BRINP3: variants seen among roughly 807,000 people sequenced by gnomAD.
BRINP3 encodes BMP/retinoic acid-inducible neural-specific protein 3.
BRINP3 carries 19 observed loss-of-function variants against 71.0 expected under a neutral mutation model. That is an observed-to-expected ratio of 0.27 (90% CI 0.19 to 0.39). BRINP3 has a LOEUF of 0.39. Among genes scored for constraint, BRINP3 ranks in the 10% least tolerant of loss-of-function variants. The pLI is 1.00. For missense variants in BRINP3, 959 were observed against 940.8 expected (o/e 1.02, Z -0.25); for synonymous variants, 380 against 337.7 (o/e 1.13, Z -1.37).
chr1:190,257,602 A>C (rs1027016072), intron 4 of BRINP3, among the ~76,000 whole-genome samples: 2 of 152,132 alleles, frequency 1.3e-5, no homozygotes, highest in African/African-American at 4.8e-5. Context: ...GTTTCTCCCC[A>C]TCTTTCTAGT....
intron 6 of BRINP3, among the ~76,000 whole-genome samples, chr1:190,196,362 T>C (rs913589997): frequency 5.3e-5 from 8 of 152,274 alleles, no homozygotes; most frequent in African/African-American, 1.9e-4. Context: ...CACCAGATAA[T>C]GGTTCTGCTA....
chr1:190,165,568 T>C (rs1462107400), intron 6 of BRINP3, among the ~76,000 whole-genome samples: 1 of 149,612 alleles, frequency 6.7e-6, no homozygotes, highest in Non-Finnish European at 1.5e-5. Flanking sequence ...CAAATAAATA[T>C]GAAACTATGT....
chr1:190,199,715 T>C (rs1207832715), intron 6 of BRINP3, among the ~76,000 whole-genome samples: 1 of 142,992 alleles, frequency 7.0e-6, no homozygotes, highest in African/African-American at 2.6e-5. Context: ...AAAGTTACAA[T>C]AATTAAAGTG....
intron 2 of BRINP3, among the ~76,000 whole-genome samples, chr1:190,373,139 T>C (rs552536203): frequency 2.7e-4 from 41 of 151,958 alleles, no homozygotes; most frequent in Non-Finnish European, 4.1e-4. Flanking sequence ...AAAATTAAAA[T>C]AGATATTTGG....
chr1:190,400,145 T>C (rs1671829587), intron 2 of BRINP3, among the ~76,000 whole-genome samples: 2 of 152,044 alleles, frequency 1.3e-5, no homozygotes, highest in Admixed American at 6.6e-5. Context: ...TGATATGACA[T>C]AGAAATGAAA....
At chr1:190,375,019 A>G (rs1330087142) in intron 2 of BRINP3, among the ~76,000 whole-genome samples, 3 of 152,022 alleles carry the variant, frequency 2.0e-5, no homozygotes, top group Non-Finnish European at 2.9e-5. Context: ...GAGTAAACTA[A>G]TTTTTCAGAA....
chr1:190,265,133 C>T, intron 3 of BRINP3, 78 bp from the exon 4 acceptor site: 1 of 1,290,360 alleles, frequency 7.7e-7, no homozygotes. Context: ...GTGGAAAGGT[C>T]TAGCTTATGA....
intron 4 of BRINP3, among the ~76,000 whole-genome samples, chr1:190,258,093 G>A (rs1208374248): frequency 3.3e-5 from 5 of 152,236 alleles, no homozygotes; most frequent in African/African-American, 1.2e-4. Flanking sequence ...CCCCAGAGGT[G>A]GAGTCTACAG....
intron 6 of BRINP3, among the ~76,000 whole-genome samples, chr1:190,201,594 C>T (rs1056222735): frequency 2.6e-5 from 4 of 152,166 alleles, no homozygotes; most frequent in Non-Finnish European, 4.4e-5. Context: ...CTATTGCAGT[C>T]CCAGAAACCT....
chr1:190,300,753 C>T (rs914988922), intron 2 of BRINP3, among the ~76,000 whole-genome samples: 6 of 152,124 alleles, frequency 3.9e-5, no homozygotes, highest in Admixed American at 6.5e-5. Flanking sequence ...GCAGAAAGGA[C>T]ATCCACACCA....
chr1:190,105,632 CT>C (rs1407875828), intron 7 of BRINP3, among the ~76,000 whole-genome samples: 13 of 152,110 alleles, frequency 8.5e-5, no homozygotes, highest in African/African-American at 2.9e-4. Flanking sequence ...AGGTTTACCC[CT>C]GGTCTCTATT....
intron 6 of BRINP3, among the ~76,000 whole-genome samples, chr1:190,212,035 C>A (rs1426533231): frequency 6.6e-6 from 1 of 152,086 alleles, no homozygotes; most frequent in African/African-American, 2.4e-5. Context: ...AGCATATCAT[C>A]ACAATAAATT....
intron 4 of BRINP3, among the ~76,000 whole-genome samples, chr1:190,255,499 G>C (rs910641077): frequency 1.3e-5 from 2 of 152,008 alleles, no homozygotes; most frequent in African/African-American, 4.8e-5. Flanking sequence ...ACTTCTCCTG[G>C]TTTAGTCTTG....
At chr1:190,099,863 A>T (rs947969627) in intron 7 of BRINP3, among the ~76,000 whole-genome samples, 4 of 151,902 alleles carry the variant, frequency 2.6e-5, no homozygotes, top group African/African-American at 7.3e-5. Flanking sequence ...AGTCATTAAC[A>T]TTTTTTTTCT....
At chr1:190,464,760 A>G (rs1676627414) in intron 1 of BRINP3, among the ~76,000 whole-genome samples, 2 of 151,846 alleles carry the variant, frequency 1.3e-5, no homozygotes, top group South Asian at 4.1e-4. Context: ...GTCTTCAATC[A>G]TATTATACAA....
At chr1:190,151,526 A>T (rs1339018382) in intron 7 of BRINP3, among the ~76,000 whole-genome samples, 2 of 152,214 alleles carry the variant, frequency 1.3e-5, no homozygotes, top group South Asian at 2.1e-4. Flanking sequence ...GAAGAGTCTC[A>T]CTTAAAGTAA....
intron 2 of BRINP3, among the ~76,000 whole-genome samples, chr1:190,370,692 C>G (rs1430935421): frequency 6.6e-6 from 1 of 152,214 alleles, no homozygotes; most frequent in African/African-American, 2.4e-5. Flanking sequence ...ATGGCGAAGC[C>G]TGTGCCTCCT....
chr1:190,177,150 C>CTTT lies in BRINP3; in HGVS notation c.962-16263_962-16261dup, dbSNP rs1030190199. On this transcript the variant is annotated intron_variant, in intron 6 of 7. Coordinates refer to ENST00000367462, the MANE Select transcript of BRINP3 (RefSeq NM_199051.3). Reference sequence around the variant, plus strand: ...TGGTTTGTCATGGAAGCACCCACTTCTTTTTTTTTTTTTTTTTTTTTTTTT... The same window carrying CTTT: ...TGGTTTGTCATGGAAGCACCCACTTCTTTTTTTTTTTTTTTTTTTTTTTTTTTT... 4.1e-3 allele frequency among the ~76,000 whole-genome samples: 258 copies of CTTT among 63,222 alleles called. 6 individuals are homozygous for CTTT. The highest frequency in any genetic ancestry group is 5.0e-3 in the Non-Finnish European group (172 of 34,568). 41.5% of individuals were successfully genotyped at this position (63,222 alleles called of 152,430 possible). A position where few individuals can be genotyped will look rare whatever the true frequency, so the allele number is the denominator to read the frequency against.
chr1:190,105,700 A>G (rs973613431), intron 7 of BRINP3, among the ~76,000 whole-genome samples: 4 of 152,066 alleles, frequency 2.6e-5, no homozygotes, highest in African/African-American at 7.2e-5. Context: ...ATAATTTATT[A>G]TTTAATCTGG....
Sources: gnomAD v4.1 joint callset for allele counts (sites outside exome capture counted in the v4.1 genomes callset) on GRCh38, gnomAD v4.1.1 for gene constraint, MANE v1.5 for transcripts, NCBI Gene and HGNC (gene_info 2026-07-23, HGNC 2026-07-21) for gene names.